The following PIP5K1B variants were observed in gnomAD, a reference collection of about 807,000 sequenced individuals.
PIP5K1B encodes phosphatidylinositol-4-phosphate 5-kinase type 1 beta.
In PIP5K1B, 42 loss-of-function variants were observed where a neutral mutation model predicts 67.0. That is an observed-to-expected ratio of 0.63 (90% CI 0.49 to 0.81). The LOEUF (loss-of-function observed/expected upper bound fraction) is 0.81, where lower values mean the gene tolerates loss of function less well. PIP5K1B is among the 30% of genes least tolerant of loss of function. The pLI, the probability that PIP5K1B is intolerant of heterozygous loss-of-function variation, is 0.00. For missense variants in PIP5K1B, 459 were observed against 646.3 expected, an observed-to-expected ratio of 0.71 and a Z score of 3.14; for synonymous variants, 214 against 231.4, an observed-to-expected ratio of 0.92 and a Z score of 0.68.
chr9:68,813,271 AC>A (rs1244230388), intron 2 of PIP5K1B, among the ~76,000 whole-genome samples: 1 of 152,250 alleles, frequency 6.6e-6, no homozygotes, highest in Non-Finnish European at 1.5e-5. Context: ...ACGTTGCAAA[AC>A]TTATGGTCAA....
chr9:68,998,463 G>A (rs756263776), intron 15 of PIP5K1B, among the ~76,000 whole-genome samples: 18 of 152,078 alleles, frequency 1.2e-4, no homozygotes, highest in East Asian at 1.9e-4. Flanking sequence ...CCTAAGACTG[G>A]CCTCTCTTCC....
At chr9:68,791,712 A>G (rs747280863) in intron 2 of PIP5K1B, among the ~76,000 whole-genome samples, 1 of 152,220 alleles carries the variant, frequency 6.6e-6, no homozygotes, top group Admixed American at 6.5e-5. Context: ...TTTTCTATAT[A>G]GTCTTTCTCA....
At chr9:68,758,315 T>C (rs961419346) in intron 2 of PIP5K1B, among the ~76,000 whole-genome samples, 1 of 152,116 alleles carries the variant, frequency 6.6e-6, no homozygotes, top group African/African-American at 2.4e-5. Context: ...ATGTTGGAAT[T>C]ATCTGACAGA....
chr9:68,931,397 A>T (rs948440175), intron 12 of PIP5K1B, among the ~76,000 whole-genome samples: 5 of 152,236 alleles, frequency 3.3e-5, no homozygotes, highest in African/African-American at 1.2e-4. Context: ...ATGATATAGA[A>T]AGCTTTTTAA....
chr9:68,813,515 T>C (rs1469866452), intron 2 of PIP5K1B, among the ~76,000 whole-genome samples: 1 of 152,208 alleles, frequency 6.6e-6, no homozygotes, highest in East Asian at 1.9e-4. Context: ...GGTTGCAAGA[T>C]TCTTAGTAGG....
chr9:68,849,972 T>C (rs143610405), intron 4 of PIP5K1B, among the ~76,000 whole-genome samples: 1 of 152,310 alleles, frequency 6.6e-6, no homozygotes, highest in East Asian at 1.9e-4. Context: ...GTCCATAGGG[T>C]ATATGCGCTT....
intron 14 of PIP5K1B, among the ~76,000 whole-genome samples, chr9:68,989,043 G>A (rs183835277): frequency 0.024 from 3,004 of 123,224 alleles, 46 homozygotes; most frequent in Middle Eastern, 0.079. Context: ...TGCAGTGAGC[G>A]AAGACCGTGC....
intron 6 of PIP5K1B, among the ~76,000 whole-genome samples, chr9:68,885,027 T>G (rs181076653): frequency 5.3e-4 from 80 of 152,252 alleles, no homozygotes; most frequent in Non-Finnish European, 9.7e-4. Context: ...ACTGCAGCAT[T>G]ATTCAAAATG....
intron 1 of PIP5K1B, among the ~76,000 whole-genome samples, chr9:68,711,064 G>A (rs2132236106): frequency 6.6e-6 from 1 of 152,306 alleles, no homozygotes; most frequent in Non-Finnish European, 1.5e-5. Context: ...AGACAGGACT[G>A]CAGAAAGTTC....
intron 8 of PIP5K1B, among the ~76,000 whole-genome samples, chr9:68,897,464 C>T (rs923000263): frequency 6.6e-6 from 1 of 152,104 alleles, no homozygotes; most frequent in African/African-American, 2.4e-5. Context: ...GAGAAGCTTT[C>T]TCCGGATAGG....
chr9:68,870,615 G>A (rs1021452831), intron 5 of PIP5K1B, among the ~76,000 whole-genome samples: 2 of 152,160 alleles, frequency 1.3e-5, no homozygotes, highest in Non-Finnish European at 2.9e-5. Flanking sequence ...TGCTGTGTAC[G>A]AAGGTCCAAC....
chr9:68,851,274 G>C (rs1297896625), intron 4 of PIP5K1B, among the ~76,000 whole-genome samples: 5 of 152,160 alleles, frequency 3.3e-5, no homozygotes, highest in African/African-American at 1.2e-4. Context: ...CTTGTTAAAA[G>C]GCTGCTTGAT....
intron 12 of PIP5K1B, among the ~76,000 whole-genome samples, chr9:68,930,794 C>G (rs78943163): frequency 0.021 from 3,219 of 152,102 alleles, 86 homozygotes; most frequent in African/African-American, 0.064. Flanking sequence ...AGGAAATAAA[C>G]GTCCATGGAT....
At chr9:68,999,834 CG>C (rs1830740484) in intron 15 of PIP5K1B, among the ~76,000 whole-genome samples, 1 of 152,168 alleles carries the variant, frequency 6.6e-6, no homozygotes. Context: ...ATAATCAAGG[CG>C]GGGAAGGAGT....
chr9:68,916,041 C>T (rs10114114), intron 8 of PIP5K1B, among the ~76,000 whole-genome samples: 144,680 of 152,260 alleles, frequency 0.95, 69,155 homozygotes, highest in Non-Finnish European at 1. Context: ...ACAAGAAGCA[C>T]AAGAAATTCT....
chr9:68,888,330 C>G (rs1824592482), intron 6 of PIP5K1B, among the ~76,000 whole-genome samples: 1 of 152,202 alleles, frequency 6.6e-6, no homozygotes, highest in African/African-American at 2.4e-5. Flanking sequence ...GCTGCATCTA[C>G]CAAGATAAAA....
chr9:68,923,654 G>A lies in PIP5K1B; in HGVS notation c.1201+268G>A, dbSNP rs576263335. ...TATGATACAGTCAAATAATGGAATA[G>A]TATGCACCCAATAAAAATGATGTGT... is the stretch of plus-strand genomic sequence containing the variant. On this transcript the variant is annotated intron_variant, in intron 12 of 15. Transcript: ENST00000265382. 9.9e-5 allele frequency among the ~76,000 whole-genome samples: 15 copies of A among 152,218 alleles called. No individual in the cohort carries two copies. The South Asian group carries it at 1.9e-3, about 19-fold the overall frequency.
intron 4 of PIP5K1B, among the ~76,000 whole-genome samples, chr9:68,828,703 G>T (rs1389430912): frequency 6.6e-6 from 1 of 152,206 alleles, no homozygotes; most frequent in African/African-American, 2.4e-5. Flanking sequence ...AAATGTTTCT[G>T]ACAGCTGGTA....
chr9:68,887,102 C>A (rs1027461282), intron 6 of PIP5K1B, among the ~76,000 whole-genome samples: 9 of 152,158 alleles, frequency 5.9e-5, no homozygotes, highest in African/African-American at 1.9e-4. Flanking sequence ...CAGTGACCAC[C>A]CTATTTAGAA....
Sources: allele counts gnomAD v4.1 joint callset (sites outside exome capture counted in the v4.1 genomes callset), GRCh38; gene constraint gnomAD v4.1.1; transcripts MANE v1.5; gene names NCBI Gene and HGNC (gene_info 2026-07-23, HGNC 2026-07-21).